Variants in MAP2K4 observed in about 807,000 individuals in gnomAD.
MAP2K4 encodes the protein dual specificity mitogen-activated protein kinase kinase 4.
In MAP2K4, 4 loss-of-function variants were observed where a neutral mutation model predicts 48.5. The observed-to-expected ratio is 0.08, with a 90% CI of 0.04 to 0.19. The LOEUF (loss-of-function observed/expected upper bound fraction) is 0.19. MAP2K4 is among the 10% of genes least tolerant of loss of function. The pLI, the probability that MAP2K4 is intolerant of heterozygous loss-of-function variation, is 1.00. For missense variants in MAP2K4, 258 were observed against 493.3 expected (o/e 0.52, Z 4.52); for synonymous variants, 166 against 173.1 (o/e 0.96, Z 0.32).
chr17:12,126,002 G>C (rs1972839579), intron 8 of MAP2K4, among the ~76,000 whole-genome samples: 1 of 152,144 alleles, frequency 6.6e-6, no homozygotes, highest in African/African-American at 2.4e-5. Flanking sequence ...GGGAGAGAGA[G>C]AGTGAAGGGG....
At chr17:12,021,245 C>T (rs1284457665) in intron 1 of MAP2K4, 30 of 287,706 alleles carry the variant, frequency 1.0e-4, no homozygotes, top group Non-Finnish European at 1.7e-4. Context: ...TGGGCCCTAC[C>T]GGGCTCTCAG....
At chr17:12,097,552 A>T (rs1359056227) in intron 4 of MAP2K4, among the ~76,000 whole-genome samples, 1 of 152,226 alleles carries the variant, frequency 6.6e-6, no homozygotes, top group Admixed American at 6.5e-5. Flanking sequence ...GTTATCATGG[A>T]TAGCTGAGTC....
intron 10 of MAP2K4, among the ~76,000 whole-genome samples, chr17:12,140,230 C>A (rs1973334128): frequency 6.6e-6 from 1 of 151,984 alleles, no homozygotes; most frequent in Non-Finnish European, 1.5e-5. Context: ...GTTTATTCTG[C>A]CTTTATAAAA....
intron 2 of MAP2K4, among the ~76,000 whole-genome samples, chr17:12,075,797 A>G (rs1426623586): frequency 1.3e-5 from 2 of 152,192 alleles, no homozygotes; most frequent in Non-Finnish European, 2.9e-5. Context: ...GTGATAACCA[A>G]TTATTTAATG....
intron 2 of MAP2K4, among the ~76,000 whole-genome samples, chr17:12,060,951 C>A (rs746510861): frequency 1.3e-5 from 2 of 152,102 alleles, no homozygotes; most frequent in Non-Finnish European, 2.9e-5. Flanking sequence ...AACTTCTGTA[C>A]CCGTTAAGCA....
intron 1 of MAP2K4, among the ~76,000 whole-genome samples, chr17:12,054,200 T>A (rs1970223177): frequency 1.3e-5 from 2 of 152,202 alleles, no homozygotes; most frequent in South Asian, 4.1e-4. Context: ...TATTTTGAGA[T>A]ACTTGGATTG....
intron 7 of MAP2K4, chr17:12,116,029 C>T (rs918054405): frequency 2.7e-6 from 1 of 367,684 alleles, no homozygotes; most frequent in Non-Finnish European, 5.3e-6. Context: ...AATGACCGCA[C>T]TGTTACATGA....
At chr17:12,035,585 G>T (rs901362832) in intron 1 of MAP2K4, among the ~76,000 whole-genome samples, 1 of 152,060 alleles carries the variant, frequency 6.6e-6, no homozygotes, top group African/African-American at 2.4e-5. Context: ...AATCATCAAA[G>T]GACTGATTTC....
chr17:12,033,110 A>G (rs914958358), intron 1 of MAP2K4, among the ~76,000 whole-genome samples: 3 of 152,114 alleles, frequency 2.0e-5, no homozygotes, highest in Admixed American at 6.5e-5. Context: ...TGCCAAGATT[A>G]CAGGTGTGAG....
chr17:12,064,589 G>A (rs1173224707), intron 2 of MAP2K4, among the ~76,000 whole-genome samples: 1 of 152,212 alleles, frequency 6.6e-6, no homozygotes, highest in Admixed American at 6.5e-5. Flanking sequence ...CAAATATGTG[G>A]TGTAAGCAGA....
At chr17:12,075,859 T>C (rs1390963572) in intron 2 of MAP2K4, among the ~76,000 whole-genome samples, 1 of 152,244 alleles carries the variant, frequency 6.6e-6, no homozygotes, top group Non-Finnish European at 1.5e-5. Flanking sequence ...TATAATATGC[T>C]GTTTTTGCAA....
intron 2 of MAP2K4, chr17:12,069,834 T>C (rs1213527401): frequency 2.1e-6 from 1 of 469,136 alleles, no homozygotes; most frequent in South Asian, 1.8e-5. Flanking sequence ...GAAGAACAGT[T>C]GCAGTGATGT....
At position 12,111,480 on chromosome 17, in the gene MAP2K4, AT is replaced by A. The variant is rs879587534; in HGVS notation, c.685+1067del. The stretch of plus-strand genomic sequence containing the variant: ...TGTATTTCTTCTTGTTCTTGTCTTG[AT>A]TTTTTTTTTTTTCCCTTCTTTGTTA... On this transcript the variant is annotated intron_variant, in intron 6 of 10. Transcript: ENST00000353533. Among the ~76,000 whole-genome samples, 501 of 140,262 alleles carry A rather than the reference AT, an allele frequency of 3.6e-3. 1 individual carries two copies. The highest frequency in any genetic ancestry group is 8.2e-3 in the African/African-American group (315 of 38,494). The allele number at this position is 140,262 out of a possible 152,430, so 92.0% of individuals were successfully genotyped here. A position where few individuals can be genotyped will look rare whatever the true frequency, so the allele number is the denominator to read the frequency against.
chr17:12,128,530 ACTG>A (rs1972929077), intron 8 of MAP2K4, among the ~76,000 whole-genome samples: 1 of 152,166 alleles, frequency 6.6e-6, no homozygotes, highest in Admixed American at 6.5e-5. Context: ...GCTTAGAGGT[ACTG>A]TCCTGAGCCC....
chr17:12,120,566 G>C (rs1238100291), intron 7 of MAP2K4, among the ~76,000 whole-genome samples: 1 of 136,026 alleles, frequency 7.4e-6, no homozygotes, highest in Non-Finnish European at 1.6e-5. Context: ...AAATGCTCTT[G>C]ATGAAAATGT....
intron 6 of MAP2K4, 25 bp from the exon 7 acceptor site, chr17:12,113,208 A>G: frequency 1.9e-6 from 3 of 1,607,784 alleles, no homozygotes; most frequent in Non-Finnish European, 1.7e-6. Flanking sequence ...CTAATTGTAT[A>G]CTGAATGATA....
intron 9 of MAP2K4, among the ~76,000 whole-genome samples, chr17:12,134,053 G>A (rs541491942): frequency 5.8e-4 from 88 of 152,240 alleles, no homozygotes; most frequent in Non-Finnish European, 5.3e-4. Flanking sequence ...GAGGGCGGGA[G>A]CACAGTGCAT....
chr17:12,041,934 G>A (rs189432656), intron 1 of MAP2K4, among the ~76,000 whole-genome samples: 269 of 152,110 alleles, frequency 1.8e-3, no homozygotes, highest in African/African-American at 6.2e-3. Context: ...TAATCTCAGC[G>A]CTTTGGGAGG....
At chr17:12,096,532 A>G (rs1297661701) in intron 4 of MAP2K4, among the ~76,000 whole-genome samples, 1 of 152,184 alleles carries the variant, frequency 6.6e-6, no homozygotes, top group East Asian at 1.9e-4. Flanking sequence ...ACTGCTAAGC[A>G]TTTCAAATAC....
Sources: gnomAD v4.1 joint callset for allele counts (sites outside exome capture counted in the v4.1 genomes callset) on GRCh38, gnomAD v4.1.1 for gene constraint, MANE v1.5 for transcripts, NCBI Gene and HGNC (gene_info 2026-07-23, HGNC 2026-07-21) for gene names.